The following CARMIL3 variants were observed in gnomAD, a reference collection of about 807,000 sequenced individuals.
CARMIL3 encodes capping protein regulator and myosin 1 linker 3.
Under a neutral mutation model 180.8 loss-of-function variants are expected in CARMIL3, and 88 were observed. That is an observed-to-expected ratio of 0.49 (90% CI 0.41 to 0.58). The LOEUF is 0.58. Among genes scored for constraint, CARMIL3 ranks in the 20% least tolerant of loss-of-function variants. The pLI is 0.00. For synonymous variants in CARMIL3, 696 were observed against 714.5 expected (o/e 0.97, Z 0.41); for missense variants, 1,548 against 1,787.0 (o/e 0.87, Z 2.41).
intron 1 of CARMIL3, 112 bp downstream of exon 1, chr14:24,052,305 A>G: frequency 8.3e-6 from 9 of 1,087,172 alleles, no homozygotes; most frequent in Non-Finnish European, 1.1e-5. Flanking sequence ...CACCCCATGC[A>G]TCCTGGCTCC....
At chr14:24,062,224 C>G in intron 27 of CARMIL3, 1 of 571,198 alleles carries the variant, frequency 1.8e-6, no homozygotes, top group South Asian at 2.1e-5. Context: ...CCTAGGGCCC[C>G]CTTGCTCCTT....
intron 2 of CARMIL3, 95 bp downstream of exon 2, chr14:24,053,898 G>A: frequency 8.0e-7 from 1 of 1,247,162 alleles, no homozygotes; most frequent in Non-Finnish European, 1.1e-6. Flanking sequence ...AGAGACAGAA[G>A]TGGGTGGACA....
At chr14:24,053,930 G>A (rs2035644538) in intron 2 of CARMIL3, 127 bp downstream of exon 2, 1 of 1,137,578 alleles carries the variant, frequency 8.8e-7, no homozygotes, top group Non-Finnish European at 1.3e-6. Flanking sequence ...AAACCTGGGG[G>A]GAGGAGGCAG....
rs543166585 is a variant in CARMIL3 at position 24,064,255 on chromosome 14, C to T, written c.2989C>T (p.Pro997Ser). ...ACTTTCCTCCCAGCAGATGCCAGCA[C>T]CTGGGACTCGTCAGGAGAATGGGAT... is the stretch of plus-strand genomic sequence containing the variant. ...PGPGRPSMPA[P>S]GTRQENGMAT... Residue 997 changes from proline (P) to serine (S), a missense_variant, in exon 32 of 40, where the codon CCT becomes TCT. By Grantham distance (74) the Pro-to-Ser change is moderately conservative. This residue lies in a region of CARMIL3 where 668 missense variants were observed against 687.8 expected (regional missense o/e 0.97). Transcript: ENST00000342740. 3.7e-6 allele frequency: 6 copies of T among 1,611,738 alleles called. No individual in the cohort carries two copies. Among genetic ancestry groups the T allele is most frequent in the African/African-American group, 2.7e-5 (2 of 74,886 alleles).
At chr14:24,053,966 G>A (rs1315930008) in intron 2 of CARMIL3, 122 bp from the exon 3 acceptor site, 5 of 1,255,856 alleles carry the variant, frequency 4.0e-6, no homozygotes, top group South Asian at 1.4e-5. Context: ...ATGTCCAGAA[G>A]TCTAGGGTAG....
At position 24,066,630 on chromosome 14, in the gene CARMIL3, G is replaced by A. The variant is rs369354523; in HGVS notation, c.3656G>A (p.Arg1219His). The change falls in exon 36 of 40, where the codon CGC becomes CAC. Residue 1219 changes from arginine to histidine, a missense_variant. Physicochemically the swap from Arg to His is conservative, Grantham distance 29. This residue lies in a region of CARMIL3 where 668 missense variants were observed against 687.8 expected (regional missense o/e 0.97). Coordinates refer to ENST00000342740, the MANE Select transcript of CARMIL3 (RefSeq NM_138360.4). ...QSTKPSFSAM[R>H]RAEATWHIAE... Reference sequence around the variant, plus strand: ...ACCAAACCAAGCTTCAGCGCCATGCGCAGAGCAGAGGCCACATGGCACATA... The same window carrying A: ...ACCAAACCAAGCTTCAGCGCCATGCACAGAGCAGAGGCCACATGGCACATA... 20 of 1,614,046 alleles carry A rather than the reference G, an allele frequency of 1.2e-5. No homozygotes were observed. Among genetic ancestry groups the A allele is most frequent in the Admixed American group, 3.3e-5 (2 of 60,002 alleles).
intron 10 of CARMIL3, among the ~76,000 whole-genome samples, chr14:24,055,990 C>A (rs900481066): frequency 1.3e-5 from 2 of 152,186 alleles, no homozygotes; most frequent in African/African-American, 4.8e-5. Context: ...ACGCCCAGCT[C>A]CATGGCCTTT....
chr14:24,053,693 T>A lies in CARMIL3; in HGVS notation c.41-16T>A, dbSNP rs538234687. Reference sequence around the variant, plus strand: ...GGGTAAGGTGAAGCTCTGAGCAGGCTCCCACCCCCCCTCAGACAGCATCCG... The same window carrying A: ...GGGTAAGGTGAAGCTCTGAGCAGGCACCCACCCCCCCTCAGACAGCATCCG... On this transcript the variant is annotated splice_polypyrimidine_tract_variant and intron_variant, in intron 1 of 39. Transcript: ENST00000342740. 1 of 1,595,294 alleles carries A rather than the reference T, an allele frequency of 6.3e-7. No homozygotes were observed. The highest frequency in any genetic ancestry group is 1.3e-5 in the African/African-American group (1 of 74,524).
At position 24,059,913 on chromosome 14, in the gene CARMIL3, G is replaced by C; in HGVS notation, c.1869-57G>C. On this transcript the variant is annotated intron_variant, in intron 22 of 39. Coordinates refer to ENST00000342740, the MANE Select transcript of CARMIL3 (RefSeq NM_138360.4). This position sits in a 1 kb window ranked among gnomAD's most constrained non-coding sequence, Gnocchi z 6.3. Reference sequence around the variant, plus strand: ...TGGAGGGCTGCTCACCAACAGAGGAGGCAGGGGCCTCCCATCCTCACCTGT... The same window carrying C: ...TGGAGGGCTGCTCACCAACAGAGGACGCAGGGGCCTCCCATCCTCACCTGT... 1 of 1,591,554 alleles carries C rather than the reference G, an allele frequency of 6.3e-7. No individual in the cohort carries two copies. The highest frequency in any genetic ancestry group is 8.6e-7 in the Non-Finnish European group (1 of 1,160,604).
rs73603047 is a variant in CARMIL3, at chr14:24,063,464, A to G, written c.2910A>G (p.Lys970=). 24,189 of 1,613,772 alleles carry G rather than the reference A, an allele frequency of 0.015. 2,872 individuals carry two copies. The African/African-American group carries it at 0.27, about 18-fold the overall frequency. ...CTGAGCTGCCCACTCATGGTTACAA[A>G]CTAAGGCATCAAACACAAGGGAGGC... The part of the protein sequence containing the change: ...GLSELPTHGY[K]LRHQTQGRPR... The change falls in exon 31 of 40, where the codon AAA becomes AAG. Residue 970 remains lysine, a synonymous_variant. Transcript: ENST00000342740.
Position 24,058,997 on chromosome 14 carries a change from C to T in CARMIL3, c.1571+11C>T. The T allele has an allele frequency of 6.2e-7, 1 of 1,613,746 alleles. No individual in the cohort carries two copies. The highest frequency in any genetic ancestry group is 8.5e-7 in the Non-Finnish European group (1 of 1,179,852). On this transcript the variant is annotated intron_variant, in intron 19 of 39. Transcript: ENST00000342740. The surrounding 1 kb of genome is among the most constrained non-coding windows in gnomAD (Gnocchi z 6.4). ...CAATGTCAAGGCCAAGTGAGGCCCC[C>T]TTTCCATGCCCACAGACCCTCATCC...
chr14:24,065,100 A>G lies in CARMIL3; in HGVS notation c.3223A>G (p.Thr1075Ala). The G allele has an allele frequency of 6.4e-7, 1 of 1,564,524 alleles. No homozygotes were observed. Among genetic ancestry groups the G allele is most frequent in the African/African-American group, 1.4e-5 (1 of 72,366 alleles). The stretch of plus-strand genomic sequence containing the variant: ...GGACAGGGGGCCGGGGTCCCCTACC[A>G]CTGGACTCCTCCTCCCTCCACCCCC... ...KGDRGPGSPT[T>A]GLLLPPPPPP... The change falls in exon 33 of 40, where the codon ACT (threonine) becomes GCT (alanine). Residue 1075 changes from threonine to alanine, a missense_variant. Around this residue, in one of 4 missense-constraint regions of CARMIL3, gnomAD observed 668 missense variants for 687.8 expected, o/e 0.97. Coordinates refer to ENST00000342740, the MANE Select transcript of CARMIL3 (RefSeq NM_138360.4).
chr14:24,052,217 G>A, intron 1 of CARMIL3, 24 bp downstream of exon 1: 2 of 1,578,502 alleles, frequency 1.3e-6, no homozygotes, highest in Admixed American at 1.7e-5. Flanking sequence ...TCGGTCTCTG[G>A]GACGCCCCGT....
At chr14:24,065,781 G>A (rs55920698) in intron 34 of CARMIL3, 31 bp downstream of exon 34, 31,186 of 1,611,190 alleles carry the variant, frequency 0.019, 375 homozygotes, top group African/African-American at 0.053. Context: ...CAAACTGTGG[G>A]TCCTGAGGGT....
rs757540224 is a variant in CARMIL3 at position 24,058,339 on chromosome 14, C to A, written c.1392+115C>A. The A allele has an allele frequency of 2.7e-4, 296 of 1,078,554 alleles. No individual in the cohort carries two copies. Among genetic ancestry groups the A allele is most frequent in the Non-Finnish European group, 3.8e-4 (283 of 743,482 alleles). The allele number at this position is 1,078,554 out of a possible 1,614,324, so 66.8% of individuals were successfully genotyped here. On this transcript the variant is annotated intron_variant, in intron 17 of 39. Coordinates refer to ENST00000342740, the MANE Select transcript of CARMIL3 (RefSeq NM_138360.4). This position sits in a 1 kb window ranked among gnomAD's most constrained non-coding sequence, Gnocchi z 6.4. ...GTGCTGACCCTCTGCGACCCCCTGA[C>A]CTGGCCACACCACCACTTTCCCCTC...
chr14:24,064,961 C>T lies in CARMIL3; in HGVS notation c.3084C>T (p.Tyr1028=). 2 of 1,610,656 alleles carry T rather than the reference C, an allele frequency of 1.2e-6. No homozygotes were observed. The highest frequency in any genetic ancestry group is 2.2e-5 in the East Asian group (1 of 44,774). Residue 1028 remains tyrosine, a synonymous_variant, in exon 33 of 40, where the codon TAC becomes TAT. Transcript: ENST00000342740. The part of the protein sequence containing the change: ...SRRVLEESSS[Y]PRTLRTVRPG... ...AACTTACCCCGATTCTCCCCAGCTA[C>T]CCCCGGACTCTGAGGACCGTGCGGC...
intron 36 of CARMIL3, among the ~76,000 whole-genome samples, chr14:24,067,541 C>G (rs11622481): frequency 0.38 from 57,400 of 152,270 alleles, 13,905 homozygotes; most frequent in Middle Eastern, 0.54. Flanking sequence ...CCCACCCATT[C>G]TGCATCTGCC....
rs772009257 is a variant in CARMIL3 at position 24,068,902 on chromosome 14, A to G, written c.3918A>G (p.Pro1306=). The G allele has an allele frequency of 3.1e-6, 5 of 1,602,024 alleles. No individual in the cohort carries two copies. The East Asian group carries it at 9.0e-5, about 29-fold the overall frequency. ...REEAEAGDAA[P]GVNKPRLRLS... ...AGGCTGAGGCTGGAGATGCAGCTCCAGGAGTCAACAAACCCCGGCTGAGGC... is the reference window on the plus strand; with the variant it reads ...AGGCTGAGGCTGGAGATGCAGCTCCGGGAGTCAACAAACCCCGGCTGAGGC... The change falls in exon 38 of 40, where the codon CCA becomes CCG. Residue 1306 remains proline, a synonymous_variant. Transcript: ENST00000342740.
chr14:24,063,275 G>A lies in CARMIL3; in HGVS notation c.2771-50G>A, dbSNP rs1160768677. On this transcript the variant is annotated intron_variant, in intron 30 of 39. Transcript: ENST00000342740. The stretch of plus-strand genomic sequence containing the variant: ...GATTTTTTCTCTGTCTCCCCATCCT[G>A]CTTTCTCCCCATTCCTCTGCTAGTC... 17 of 1,590,492 alleles carry A rather than the reference G, an allele frequency of 1.1e-5. No homozygotes were observed. In the Admixed American group the frequency reaches 2.9e-4, roughly 27 times the overall value.
Sources: gnomAD v4.1 joint callset for allele counts (sites outside exome capture counted in the v4.1 genomes callset) on GRCh38, gnomAD v4.1.1 for gene constraint, gnomAD v4.1.1 regional missense constraint, Gnocchi (gnomAD v3.1) non-coding constraint, MANE v1.5 for transcripts, NCBI Gene and HGNC (gene_info 2026-07-23, HGNC 2026-07-21) for gene names.